DNAH7: variants seen among roughly 807,000 people sequenced by gnomAD.
DNAH7 encodes the protein dynein axonemal heavy chain 7, also known as axonemal beta dynein heavy chain 7.
DNAH7 carries 397 observed loss-of-function variants against 444.6 expected under a neutral mutation model. That is an observed-to-expected ratio of 0.89 (90% CI 0.82 to 0.97). The LOEUF (loss-of-function observed/expected upper bound fraction) is 0.97. DNAH7 is among the 50% of genes least tolerant of loss of function. DNAH7 has a pLI of 0.00. For synonymous variants in DNAH7, 1,636 were observed against 1,624.4 expected (o/e 1.01, Z -0.17); for missense variants, 4,902 against 4,800.8 (o/e 1.02, Z -0.62).
chr2:196,054,917 C>A (rs1030099696), intron 2 of DNAH7, among the ~76,000 whole-genome samples: 5 of 152,178 alleles, frequency 3.3e-5, no homozygotes, highest in Non-Finnish European at 7.3e-5. Flanking sequence ...GAGGCCTCCC[C>A]AGCCATGTGG....
chr2:195,802,425 G>A (rs1428604297), intron 54 of DNAH7, among the ~76,000 whole-genome samples: 3 of 152,076 alleles, frequency 2.0e-5, no homozygotes, highest in African/African-American at 4.8e-5. Flanking sequence ...ACTTGAACCC[G>A]GGAGGTGGAG....
At chr2:195,947,377 G>A (rs925025576) in intron 19 of DNAH7, among the ~76,000 whole-genome samples, 6 of 151,734 alleles carry the variant, frequency 4.0e-5, no homozygotes, top group Admixed American at 6.6e-5. Context: ...ACGTGCCATC[G>A]TGGTTTGCTG....
At chr2:195,863,211 A>T in intron 41 of DNAH7, among the ~76,000 whole-genome samples, 1 of 152,254 alleles carries the variant, frequency 6.6e-6, no homozygotes, top group East Asian at 1.9e-4. Context: ...GCAAAACAGA[A>T]TTCAATAAAT....
chr2:195,926,328 G>A, intron 22 of DNAH7, 98 bp downstream of exon 22: 1 of 1,106,086 alleles, frequency 9.0e-7, no homozygotes, highest in Non-Finnish European at 1.2e-6. Context: ...AGATTTTTAA[G>A]TGAACTGTAT....
intron 64 of DNAH7, among the ~76,000 whole-genome samples, chr2:195,739,533 A>G (rs185945719): frequency 3.3e-5 from 5 of 152,350 alleles, no homozygotes; most frequent in South Asian, 2.1e-4. Context: ...TAATCTGCCA[A>G]TACTGGATAG....
chr2:195,897,333 A>G (rs966321880), intron 29 of DNAH7, among the ~76,000 whole-genome samples: 10 of 152,186 alleles, frequency 6.6e-5, no homozygotes, highest in African/African-American at 2.4e-4. Context: ...TACTATATCT[A>G]TACTGTGCTA....
chr2:195,779,575 C>T (rs368742713), intron 58 of DNAH7, among the ~76,000 whole-genome samples: 34 of 151,872 alleles, frequency 2.2e-4, no homozygotes, highest in African/African-American at 8.0e-4. Flanking sequence ...AAACTAGCCT[C>T]CTATCTACTT....
chr2:195,807,092 T>C (rs1184861057), intron 53 of DNAH7, among the ~76,000 whole-genome samples: 2 of 152,066 alleles, frequency 1.3e-5, no homozygotes, highest in East Asian at 1.9e-4. Context: ...ATGATCCCTA[T>C]TATGAAAAAA....
chr2:195,762,864 C>T (rs1027409342), intron 61 of DNAH7, among the ~76,000 whole-genome samples: 6 of 151,988 alleles, frequency 3.9e-5, no homozygotes, highest in African/African-American at 9.7e-5. Context: ...TAAACTGCAC[C>T]GCAGACCAAA....
chr2:195,783,195 A>G (rs1695468243), intron 58 of DNAH7, among the ~76,000 whole-genome samples: 2 of 152,122 alleles, frequency 1.3e-5, no homozygotes, highest in Admixed American at 1.3e-4. Context: ...CCTTTCCCCT[A>G]CATATCCATT....
chr2:195,759,577 T>C (rs1050414710), intron 61 of DNAH7, among the ~76,000 whole-genome samples: 1 of 152,050 alleles, frequency 6.6e-6, no homozygotes, highest in African/African-American at 2.4e-5. Flanking sequence ...CAGTGGGGTA[T>C]GCACCAAGAG....
chr2:196,047,778 A>C (rs1697229946), intron 4 of DNAH7, among the ~76,000 whole-genome samples: 1 of 151,892 alleles, frequency 6.6e-6, no homozygotes, highest in Non-Finnish European at 1.5e-5. Flanking sequence ...GATTCTCTAA[A>C]AGTGAACATT....
intron 61 of DNAH7, 67 bp downstream of exon 61, chr2:195,771,593 T>A (rs1694842818): frequency 8.5e-6 from 10 of 1,175,210 alleles, no homozygotes; most frequent in Admixed American, 1.8e-5. Context: ...GCTAAACAAG[T>A]ATTTGCTAAA....
rs544815033 is a variant in DNAH7, at chr2:196,011,321, G to A, written c.989+1466C>T. Reference sequence around the variant, plus strand: ...ATGTATCAATTTTAAAAATTGATAAGACAGGCCTAAAGCTCAGAAGACAAA... The same window carrying A: ...ATGTATCAATTTTAAAAATTGATAAAACAGGCCTAAAGCTCAGAAGACAAA... On this transcript the variant is annotated intron_variant, in intron 10 of 64. Transcript: ENST00000312428. 2.6e-5 allele frequency among the ~76,000 whole-genome samples: 4 copies of A among 152,134 alleles called. No individual in the cohort carries two copies. In the East Asian group the frequency reaches 5.8e-4, roughly 22 times the overall value.
rs1689848644 is a variant in DNAH7 at position 195,946,902 on chromosome 2, G to T, written c.3079-10110C>A. Among the ~76,000 whole-genome samples, 8 of 151,856 alleles carry T rather than the reference G, an allele frequency of 5.3e-5. No homozygotes were observed. The South Asian group carries it at 1.7e-3, about 32-fold the overall frequency. ...AACAGAAGACTGAGGATTTGAAACA[G>T]GTACAAAACTCTCTTAATAAGCAAA... On this transcript the variant is annotated intron_variant, in intron 19 of 64. Coordinates refer to ENST00000312428, the MANE Select transcript of DNAH7 (RefSeq NM_018897.3).
intron 56 of DNAH7, among the ~76,000 whole-genome samples, chr2:195,795,089 A>G (rs1474863131): frequency 6.6e-6 from 1 of 152,042 alleles, no homozygotes; most frequent in Non-Finnish European, 1.5e-5. Context: ...CAAACATAAA[A>G]CCTCTGATAG....
At chr2:195,751,686 C>A (rs984177913) in intron 63 of DNAH7, among the ~76,000 whole-genome samples, 6 of 152,178 alleles carry the variant, frequency 3.9e-5, no homozygotes. Flanking sequence ...GTTCTAGAAA[C>A]TGTCAGGAGG....
intron 24 of DNAH7, among the ~76,000 whole-genome samples, chr2:195,912,397 G>A (rs1052348515): frequency 2.0e-5 from 3 of 152,204 alleles, no homozygotes; most frequent in Non-Finnish European, 4.4e-5. Context: ...ACAGAGAGAT[G>A]TGTTCCCACT....
At chr2:195,935,054 G>A (rs1438281481) in intron 20 of DNAH7, among the ~76,000 whole-genome samples, 6 of 152,128 alleles carry the variant, frequency 3.9e-5, no homozygotes, top group South Asian at 4.2e-4. Context: ...AGACAACCAC[G>A]AGGCTTTGTC....
Sources: allele counts gnomAD v4.1 joint callset (sites outside exome capture counted in the v4.1 genomes callset), GRCh38; gene constraint gnomAD v4.1.1; transcripts MANE v1.5; gene names NCBI Gene and HGNC (gene_info 2026-07-23, HGNC 2026-07-21).